ELAVL4: variants seen among roughly 807,000 people sequenced by gnomAD.
ELAVL4 encodes ELAV like RNA binding protein 4, also known as ELAV-like protein 4.
Under a neutral mutation model 35.6 loss-of-function variants are expected in ELAVL4, and 1 was observed. That is an observed-to-expected ratio of 0.03 (90% CI 0.01 to 0.13). The LOEUF (loss-of-function observed/expected upper bound fraction) is 0.13, where lower values mean the gene tolerates loss of function less well. Ranked by LOEUF, ELAVL4 falls within the 10% of genes least tolerant of loss-of-function variation. The probability of loss-of-function intolerance (pLI) is 1.00; values close to 1 mark genes in which losing one functional copy is unlikely to be tolerated. For synonymous variants in ELAVL4, 156 were observed against 171.0 expected (o/e 0.91, Z 0.69); for missense variants, 267 against 464.9 (o/e 0.57, Z 3.91).
intron 2 of ELAVL4, among the ~76,000 whole-genome samples, chr1:50,163,162 C>T (rs1017937809): frequency 6.6e-6 from 1 of 152,180 alleles, no homozygotes; most frequent in African/African-American, 2.4e-5. Flanking sequence ...TTGCCCTTGA[C>T]TGCCTATTGC....
At chr1:50,162,219 A>G (rs1019724990) in intron 2 of ELAVL4, among the ~76,000 whole-genome samples, 1 of 152,190 alleles carries the variant, frequency 6.6e-6, no homozygotes, top group Non-Finnish European at 1.5e-5. Flanking sequence ...TCACAAAATG[A>G]TAACTGTTTT....
chr1:50,189,357 G>A (rs1046393603), intron 3 of ELAVL4, among the ~76,000 whole-genome samples: 2 of 152,352 alleles, frequency 1.3e-5, no homozygotes, highest in South Asian at 4.1e-4. Context: ...CTCAGCCCTC[G>A]TCCTGATGCC....
At chr1:50,081,424 T>G (rs1305945853) in intron 1 of ELAVL4, among the ~76,000 whole-genome samples, 1 of 152,216 alleles carries the variant, frequency 6.6e-6, no homozygotes, top group Non-Finnish European at 1.5e-5. Flanking sequence ...CACTAGCACT[T>G]TAAGTTCCAT....
intron 6 of ELAVL4, among the ~76,000 whole-genome samples, chr1:50,199,201 A>G (rs929396747): frequency 6.6e-6 from 1 of 152,258 alleles, no homozygotes; most frequent in African/African-American, 2.4e-5. Context: ...TATTTAGCAT[A>G]TATTCAGTAG....
chr1:50,144,581 T>A, intron 1 of ELAVL4: 1 of 473,428 alleles, frequency 2.1e-6, no homozygotes, highest in Non-Finnish European at 4.1e-6. Flanking sequence ...CTTTTTCAGC[T>A]TTAATGGAAC....
intron 2 of ELAVL4, among the ~76,000 whole-genome samples, chr1:50,167,956 T>C (rs1007114566): frequency 2.0e-5 from 3 of 152,170 alleles, no homozygotes; most frequent in Non-Finnish European, 4.4e-5. Flanking sequence ...AGCCCATGAA[T>C]CACTATATAA....
At chr1:50,167,106 A>G (rs1678071930) in intron 2 of ELAVL4, among the ~76,000 whole-genome samples, 1 of 152,178 alleles carries the variant, frequency 6.6e-6, no homozygotes, top group South Asian at 2.1e-4. Context: ...AGTACCATAT[A>G]TTGGACACTG....
At chr1:50,135,399 T>C (rs1205074928) in intron 1 of ELAVL4, among the ~76,000 whole-genome samples, 2 of 152,180 alleles carry the variant, frequency 1.3e-5, no homozygotes, top group East Asian at 1.9e-4. Flanking sequence ...ACGATTTATA[T>C]GCTTTTGCTG....
chr1:50,145,863 G>A (rs891105496), intron 2 of ELAVL4, among the ~76,000 whole-genome samples: 2 of 152,212 alleles, frequency 1.3e-5, no homozygotes, highest in Non-Finnish European at 1.5e-5. Flanking sequence ...CAATACATGA[G>A]ATTTTTAGGT....
chr1:50,059,461 TGTTCAGC>T (rs1663844607), intron 1 of ELAVL4, among the ~76,000 whole-genome samples: 1 of 152,056 alleles, frequency 6.6e-6, no homozygotes, highest in African/African-American at 2.4e-5. Context: ...CATAAAAAGA[TGTTCAGC>T]GTCATTAAAA....
intron 1 of ELAVL4, among the ~76,000 whole-genome samples, chr1:50,124,051 A>T (rs1166770062): frequency 2.0e-5 from 3 of 152,072 alleles, no homozygotes; most frequent in African/African-American, 7.2e-5. Flanking sequence ...GATATTAATT[A>T]GGTGTTTCAT....
chr1:50,185,923 T>G (rs1272734447), intron 3 of ELAVL4, among the ~76,000 whole-genome samples: 3 of 152,190 alleles, frequency 2.0e-5, no homozygotes, highest in East Asian at 3.9e-4. Context: ...GTGAAGAGAC[T>G]GAATCTGGGG....
At chr1:50,130,268 A>G (rs1231511569) in intron 1 of ELAVL4, among the ~76,000 whole-genome samples, 1 of 152,130 alleles carries the variant, frequency 6.6e-6, no homozygotes, top group Non-Finnish European at 1.5e-5. Context: ...AAGTCCTCAG[A>G]CTTAGAGATT....
chr1:50,147,656 T>A (rs1244154840), intron 2 of ELAVL4, among the ~76,000 whole-genome samples: 1 of 152,158 alleles, frequency 6.6e-6, no homozygotes, highest in African/African-American at 2.4e-5. Context: ...AATGACATCA[T>A]GGGTATTTTT....
chr1:50,167,705 G>A (rs1171958988), intron 2 of ELAVL4, among the ~76,000 whole-genome samples: 1 of 152,180 alleles, frequency 6.6e-6, no homozygotes, highest in Non-Finnish European at 1.5e-5. Context: ...CATGACAGGG[G>A]TGGCTGGGGA....
chr1:50,181,194 C>T (rs1184080209), intron 3 of ELAVL4: 1 of 152,220 alleles, frequency 6.6e-6, no homozygotes, highest in Admixed American at 6.5e-5. Context: ...CCTGCTTGCT[C>T]AGCAACACGT....
At chr1:50,188,092 C>A (rs1260385635) in intron 3 of ELAVL4, among the ~76,000 whole-genome samples, 1 of 151,554 alleles carries the variant, frequency 6.6e-6, no homozygotes, top group Non-Finnish European at 1.5e-5. Flanking sequence ...AAGACTTGGT[C>A]TCAAAAAAAA....
chr1:50,149,923 A>G (rs1053643416), intron 2 of ELAVL4, among the ~76,000 whole-genome samples: 1 of 152,182 alleles, frequency 6.6e-6, no homozygotes, highest in Non-Finnish European at 1.5e-5. Flanking sequence ...AGAGACAAGT[A>G]TATGGAACAT....
intron 1 of ELAVL4, among the ~76,000 whole-genome samples, chr1:50,070,109 C>T (rs1471872904): frequency 1.3e-5 from 2 of 152,120 alleles, no homozygotes; most frequent in Non-Finnish European, 2.9e-5. Flanking sequence ...AACAGGATTC[C>T]TTGTTTTCCT....
Sources: allele counts gnomAD v4.1 joint callset (sites outside exome capture counted in the v4.1 genomes callset), GRCh38; gene constraint gnomAD v4.1.1; transcripts MANE v1.5; gene names NCBI Gene and HGNC (gene_info 2026-07-23, HGNC 2026-07-21).